The following PTPRT variants were observed in gnomAD, a reference collection of about 807,000 sequenced individuals.
The protein encoded by PTPRT is protein tyrosine phosphatase receptor type T.
PTPRT carries 56 observed loss-of-function variants against 176.8 expected under a neutral mutation model. The observed-to-expected ratio is 0.32, with a 90% CI of 0.26 to 0.40. PTPRT has a LOEUF of 0.40. PTPRT is among the 10% of genes least tolerant of loss of function. PTPRT has a pLI of 1.00. For synonymous variants in PTPRT, 783 were observed against 739.0 expected, an observed-to-expected ratio of 1.06 and a Z score of -0.96; for missense variants, 1,540 against 1,908.2, an observed-to-expected ratio of 0.81 and a Z score of 3.60.
chr20:42,454,226 T>C (rs530318791), intron 8 of PTPRT, among the ~76,000 whole-genome samples: 1 of 152,310 alleles, frequency 6.6e-6, no homozygotes, highest in African/African-American at 2.4e-5. Context: ...TATTCCTATT[T>C]ATTCCACCAT....
rs535590175 is a variant in PTPRT at position 42,178,498 on chromosome 20, C to T, written c.2492-16956G>A. ...GGCTCTACTACTTATTAGTCAAAGGCTTTGGGCAAATTAATTAACATCTCA... is the reference window on the plus strand; with the variant it reads ...GGCTCTACTACTTATTAGTCAAAGGTTTTGGGCAAATTAATTAACATCTCA... On this transcript the variant is annotated intron_variant, in intron 16 of 30. Coordinates refer to ENST00000373187, the MANE Select transcript of PTPRT (RefSeq NM_007050.6). Among the ~76,000 whole-genome samples, 169 of 152,198 alleles carry T rather than the reference C, an allele frequency of 1.1e-3. 1 individual carries two copies. The highest frequency in any genetic ancestry group is 4.0e-3 in the African/African-American group (164 of 41,490).
At chr20:42,745,720 A>G (rs76260951) in intron 6 of PTPRT, among the ~76,000 whole-genome samples, 2,953 of 152,306 alleles carry the variant, frequency 0.019, 98 homozygotes, top group African/African-American at 0.063. Context: ...TATTCCATAT[A>G]TATCTGTCAC....
chr20:42,439,973 C>A (rs533444799), intron 9 of PTPRT, among the ~76,000 whole-genome samples: 1 of 152,282 alleles, frequency 6.6e-6, no homozygotes, highest in Non-Finnish European at 1.5e-5. Context: ...GTGGCATGAT[C>A]TCAACTCACT....
At chr20:42,749,484 G>A (rs1186685118) in intron 6 of PTPRT, among the ~76,000 whole-genome samples, 1 of 152,222 alleles carries the variant, frequency 6.6e-6, no homozygotes, top group Non-Finnish European at 1.5e-5. Flanking sequence ...TGCAAGAAAT[G>A]TGGTATAAAA....
intron 1 of PTPRT, among the ~76,000 whole-genome samples, chr20:43,022,833 G>T (rs537398987): frequency 6.6e-6 from 1 of 152,216 alleles, no homozygotes; most frequent in African/African-American, 2.4e-5. Context: ...TGCAGACTTT[G>T]TCTTCCACCT....
intron 15 of PTPRT, among the ~76,000 whole-genome samples, chr20:42,233,956 T>C (rs1190687710): frequency 6.6e-6 from 1 of 152,142 alleles, no homozygotes; most frequent in African/African-American, 2.4e-5. Context: ...ACTGCTTATC[T>C]TGGATTCCAC....
intron 7 of PTPRT, among the ~76,000 whole-genome samples, chr20:42,503,264 C>T (rs1203171237): frequency 6.6e-6 from 1 of 151,880 alleles, no homozygotes; most frequent in African/African-American, 2.4e-5. Context: ...AATATGATTG[C>T]TTAAATCATT....
intron 16 of PTPRT, among the ~76,000 whole-genome samples, chr20:42,189,012 T>A (rs1337503602): frequency 6.6e-6 from 1 of 152,204 alleles, no homozygotes; most frequent in Non-Finnish European, 1.5e-5. Context: ...CAAGGACAGC[T>A]GACACTGGGA....
intron 9 of PTPRT, among the ~76,000 whole-genome samples, chr20:42,417,417 C>T (rs1000833794): frequency 6.6e-6 from 1 of 151,920 alleles, no homozygotes; most frequent in Non-Finnish European, 1.5e-5. Flanking sequence ...CTGAACATGC[C>T]TTGTTTCGTT....
At position 42,610,384 on chromosome 20, in the gene PTPRT, T is replaced by TG. The variant is rs966973143; in HGVS notation, c.1153+67481_1153+67482insC. Among the ~76,000 whole-genome samples the TG allele has an allele frequency of 7.0e-5, 10 of 142,386 alleles. No individual in the cohort carries two copies. The East Asian group carries it at 1.8e-3, about 25-fold the overall frequency. The allele number at this position is 142,386 out of a possible 152,430, so 93.4% of individuals were successfully genotyped here. A position where few individuals can be genotyped will look rare whatever the true frequency, so the allele number is the denominator to read the frequency against. ...TCTGCGGGTTTACTTGTTTTGTTTT[T>TG]TTTTTTTGTTTTTTTTTTTGAGATG... On this transcript the variant is annotated intron_variant, in intron 7 of 30. Coordinates refer to ENST00000373187, the MANE Select transcript of PTPRT (RefSeq NM_007050.6).
At chr20:42,494,364 T>C (rs995101741) in intron 7 of PTPRT, among the ~76,000 whole-genome samples, 1 of 152,078 alleles carries the variant, frequency 6.6e-6, no homozygotes, top group African/African-American at 2.4e-5. Context: ...TAAAGAATAA[T>C]GAAGTAGAGG....
chr20:42,936,633 C>T (rs117014867), intron 1 of PTPRT, among the ~76,000 whole-genome samples: 3,657 of 152,196 alleles, frequency 0.024, 86 homozygotes, highest in Non-Finnish European at 0.039. Flanking sequence ...CAGGAATTCA[C>T]TGAGGAGGCT....
chr20:42,363,285 T>TATATATATATATATAC (rs746407164), intron 9 of PTPRT, among the ~76,000 whole-genome samples: 1 of 16,516 alleles, frequency 6.1e-5, no homozygotes, highest in African/African-American at 2.3e-4. Flanking sequence ...TATATATATA[T>TATATATATATATATAC]ATATATATAT....
At chr20:42,453,548 C>A (rs1290865704) in intron 8 of PTPRT, among the ~76,000 whole-genome samples, 1 of 152,012 alleles carries the variant, frequency 6.6e-6, no homozygotes, top group Non-Finnish European at 1.5e-5. Context: ...CATTACTATA[C>A]TATTGAAGCA....
chr20:43,157,842 G>A (rs1479578498), intron 1 of PTPRT, among the ~76,000 whole-genome samples: 1 of 152,148 alleles, frequency 6.6e-6, no homozygotes, highest in Non-Finnish European at 1.5e-5. Flanking sequence ...AAAGCAACTG[G>A]GCCCAGAGGC....
intron 2 of PTPRT, among the ~76,000 whole-genome samples, chr20:42,871,783 G>A (rs1296762371): frequency 1.3e-5 from 2 of 152,166 alleles, no homozygotes; most frequent in African/African-American, 2.4e-5. Flanking sequence ...GACCATGTAT[G>A]TGAGAGCTTC....
chr20:43,004,195 A>T (rs920660653), intron 1 of PTPRT, among the ~76,000 whole-genome samples: 1 of 151,844 alleles, frequency 6.6e-6, no homozygotes, highest in Non-Finnish European at 1.5e-5. Context: ...AAGACTACAA[A>T]TATATATGAA....
chr20:42,116,097 T>G (rs763218735), intron 21 of PTPRT: 1 of 721,904 alleles, frequency 1.4e-6, no homozygotes, highest in South Asian at 1.5e-5. Context: ...TTCCGCTGGG[T>G]GCTAATAGGT....
chr20:42,539,987 AC>A (rs2145574827), intron 7 of PTPRT, among the ~76,000 whole-genome samples: 1 of 152,300 alleles, frequency 6.6e-6, no homozygotes, highest in African/African-American at 2.4e-5. Flanking sequence ...AGAATAACCA[AC>A]AAAACAGGTC....
Sources: allele counts gnomAD v4.1 joint callset (sites outside exome capture counted in the v4.1 genomes callset), GRCh38; gene constraint gnomAD v4.1.1; transcripts MANE v1.5; gene names NCBI Gene and HGNC (gene_info 2026-07-23, HGNC 2026-07-21).